Variants in PTPRN2 observed in about 807,000 individuals in gnomAD.
PTPRN2 encodes the protein receptor-type tyrosine-protein phosphatase N2.
A neutral mutation model predicts 118.8 loss-of-function variants in PTPRN2; 74 were observed. The observed-to-expected ratio is 0.62, with a 90% CI of 0.52 to 0.76. PTPRN2 has a LOEUF of 0.76. PTPRN2 is among the 30% of genes least tolerant of loss of function. The pLI is 0.00. For missense variants in PTPRN2, 1,481 were observed against 1,394.4 expected, an observed-to-expected ratio of 1.06 and a Z score of -0.99; for synonymous variants, 641 against 608.0, an observed-to-expected ratio of 1.05 and a Z score of -0.80.
chr7:158,451,433 A>G (rs1339459116), intron 2 of PTPRN2, among the ~76,000 whole-genome samples: 1 of 152,178 alleles, frequency 6.6e-6, no homozygotes, highest in African/African-American at 2.4e-5. Context: ...TCTCCGCCCT[A>G]AAGTCATGAA....
chr7:157,848,380 A>C (rs1028593841), intron 12 of PTPRN2, among the ~76,000 whole-genome samples: 2 of 148,630 alleles, frequency 1.3e-5, no homozygotes, highest in Non-Finnish European at 3.0e-5. Flanking sequence ...GCCCTCTTTC[A>C]TTACATCATA....
At chr7:158,123,146 C>A (rs188741589) in intron 9 of PTPRN2, among the ~76,000 whole-genome samples, 1 of 152,214 alleles carries the variant, frequency 6.6e-6, no homozygotes, top group East Asian at 1.9e-4. Context: ...AATAGATAAA[C>A]GAGGTTTCTT....
rs367981471 is a variant in PTPRN2 at position 158,294,835 on chromosome 7, A to C, written c.277+21984T>G. Among the ~76,000 whole-genome samples the C allele has an allele frequency of 4.6e-5, 7 of 150,664 alleles. No individual in the cohort carries two copies. The South Asian group carries it at 1.5e-3, about 32-fold the overall frequency. On this transcript the variant is annotated intron_variant, in intron 3 of 22. Coordinates refer to ENST00000389418, the MANE Select transcript of PTPRN2 (RefSeq NM_002847.5). ...CCCTGCCTGTCTGCCCAGACACTGC[A>C]CCACATCGTGGTTCACCTGCCTTTC...
At chr7:157,724,035 G>A (rs924987934) in intron 12 of PTPRN2, among the ~76,000 whole-genome samples, 19 of 151,524 alleles carry the variant, frequency 1.3e-4, no homozygotes, top group East Asian at 3.9e-4. Flanking sequence ...GGCTTCCCCC[G>A]TCTGAATTGT....
At chr7:158,370,822 T>C (rs1046587397) in intron 2 of PTPRN2, among the ~76,000 whole-genome samples, 8 of 152,092 alleles carry the variant, frequency 5.3e-5, no homozygotes, top group African/African-American at 1.7e-4. Flanking sequence ...GAAAGCAACA[T>C]GCAAAAGTGG....
intron 2 of PTPRN2, among the ~76,000 whole-genome samples, chr7:158,412,616 T>C (rs1161929054): frequency 3.5e-5 from 3 of 85,024 alleles, no homozygotes; most frequent in Admixed American, 1.2e-4. Context: ...AGTGCCCTCC[T>C]CAGCACCAGG....
At chr7:158,483,181 G>A (rs28601803) in intron 2 of PTPRN2, among the ~76,000 whole-genome samples, 30,443 of 152,154 alleles carry the variant, frequency 0.2, 3,452 homozygotes, top group East Asian at 0.41. Context: ...ATAGAAAACC[G>A]GTATTAAATA....
intron 11 of PTPRN2, among the ~76,000 whole-genome samples, chr7:158,058,911 C>T (rs28728330): frequency 2.1e-5 from 2 of 95,748 alleles, no homozygotes; most frequent in East Asian, 3.4e-4. Context: ...CTCCATCTGC[C>T]CACAGTGAGA....
chr7:157,752,938 G>C (rs1028596313), intron 12 of PTPRN2, among the ~76,000 whole-genome samples: 11 of 140,870 alleles, frequency 7.8e-5, no homozygotes, highest in African/African-American at 3.5e-4. Flanking sequence ...ACCCACTCCT[G>C]CTGGAAGCCC....
intron 11 of PTPRN2, among the ~76,000 whole-genome samples, chr7:157,970,501 G>A (rs1802245961): frequency 6.6e-6 from 1 of 152,234 alleles, no homozygotes; most frequent in Admixed American, 6.5e-5. Context: ...GTGAAGCTGT[G>A]CCAGAGCCAC....
chr7:158,166,871 T>C, intron 6 of PTPRN2, 60 bp downstream of exon 6: 1 of 1,399,064 alleles, frequency 7.1e-7, no homozygotes, highest in Non-Finnish European at 9.3e-7. Flanking sequence ...CGTCTGTCAC[T>C]GGGAGGGGCT....
At chr7:158,084,407 C>G (rs189846861) in intron 10 of PTPRN2, among the ~76,000 whole-genome samples, 25 of 152,192 alleles carry the variant, frequency 1.6e-4, no homozygotes, top group African/African-American at 5.5e-4. Flanking sequence ...AACCAGGGAG[C>G]CTTGGTTGTC....
chr7:158,027,524 C>T (rs938976136), intron 11 of PTPRN2: 4 of 152,134 alleles, frequency 2.6e-5, no homozygotes, highest in African/African-American at 9.7e-5. Flanking sequence ...TAGGGAGAAC[C>T]TTGGGGCCAG....
intron 12 of PTPRN2, among the ~76,000 whole-genome samples, chr7:157,750,608 C>T (rs2030768031): frequency 6.6e-6 from 1 of 152,236 alleles, no homozygotes; most frequent in South Asian, 2.1e-4. Flanking sequence ...GCAGTTGTAT[C>T]TGGCATTTCT....
chr7:158,157,117 C>T (rs1821895719), intron 6 of PTPRN2, among the ~76,000 whole-genome samples: 1 of 151,900 alleles, frequency 6.6e-6, no homozygotes, highest in African/African-American at 2.4e-5. Context: ...CAGCGGACAG[C>T]ACGCCTGTTC....
intron 6 of PTPRN2, among the ~76,000 whole-genome samples, chr7:158,166,043 A>C (rs1010668753): frequency 4.6e-5 from 7 of 152,114 alleles, no homozygotes; most frequent in Non-Finnish European, 1.5e-5. Flanking sequence ...GCGACAAAGG[A>C]CACTGGACTT....
chr7:158,433,076 G>A (rs184818845), intron 2 of PTPRN2, among the ~76,000 whole-genome samples: 107 of 152,330 alleles, frequency 7.0e-4, no homozygotes, highest in Admixed American at 2.4e-3. Context: ...GCTTCTTTGC[G>A]CAATATCCCA....
At chr7:158,124,917 A>G (rs1030761990) in intron 9 of PTPRN2, among the ~76,000 whole-genome samples, 11 of 152,236 alleles carry the variant, frequency 7.2e-5, no homozygotes, top group Non-Finnish European at 1.3e-4. Flanking sequence ...TGAGAAAGAA[A>G]GAGCCGTGAT....
At chr7:157,683,437 T>G (rs1316399245) in intron 12 of PTPRN2, among the ~76,000 whole-genome samples, 1 of 152,152 alleles carries the variant, frequency 6.6e-6, no homozygotes, top group African/African-American at 2.4e-5. Context: ...ACTGGCTCTG[T>G]GCATCTTCAC....
Sources: gnomAD v4.1 joint callset for allele counts (sites outside exome capture counted in the v4.1 genomes callset) on GRCh38, gnomAD v4.1.1 for gene constraint, MANE v1.5 for transcripts, NCBI Gene and HGNC (gene_info 2026-07-23, HGNC 2026-07-21) for gene names.